The following KNL1 variants were observed in gnomAD, a reference collection of about 807,000 sequenced individuals.
KNL1 encodes outer kinetochore KNL1 complex subunit KNL1.
In KNL1, 66 loss-of-function variants were observed where a neutral mutation model predicts 201.3. That is an observed-to-expected ratio of 0.33 (90% confidence interval 0.27 to 0.40). KNL1 has a LOEUF of 0.40. KNL1 is among the 10% of genes least tolerant of loss of function. The pLI is 1.00. For missense variants in KNL1, 2,815 were observed against 2,690.5 expected, an observed-to-expected ratio of 1.05 and a Z score of -1.02; for synonymous variants, 895 against 899.2, an observed-to-expected ratio of 1.00 and a Z score of 0.08.
intron 14 of KNL1, among the ~76,000 whole-genome samples, chr15:40,644,512 C>A (rs990815072): frequency 6.6e-6 from 1 of 152,222 alleles, no homozygotes. Flanking sequence ...CACCTCAGCA[C>A]AGACCATTTA....
intron 1 of KNL1, 134 bp from the exon 2 acceptor site, chr15:40,602,781 G>A (rs948084019): frequency 1.3e-5 from 7 of 532,642 alleles, no homozygotes; most frequent in South Asian, 2.3e-5. Context: ...CACTGCGCCC[G>A]GCCTTTCCTT....
chr15:40,618,713 C>G (rs2141716834), intron 8 of KNL1, among the ~76,000 whole-genome samples: 1 of 152,184 alleles, frequency 6.6e-6, no homozygotes, highest in Non-Finnish European at 1.5e-5. Flanking sequence ...GTGGATATTC[C>G]AGTTACCCTG....
intron 13 of KNL1, 48 bp downstream of exon 13, chr15:40,629,419 T>C (rs1421514965): frequency 1.3e-5 from 17 of 1,310,842 alleles, no homozygotes; most frequent in Non-Finnish European, 1.8e-5. Context: ...CAAACATTTA[T>C]TTAAAAGCAC....
chr15:40,594,558 C>T (rs1891563709), intron 1 of KNL1, among the ~76,000 whole-genome samples, 166 bp downstream of exon 1: 1 of 152,198 alleles, frequency 6.6e-6, no homozygotes. Flanking sequence ...GCACACTGTG[C>T]CCTTTTTCCC....
At chr15:40,637,512 C>T (rs1893093108) in intron 13 of KNL1, among the ~76,000 whole-genome samples, 1 of 152,104 alleles carries the variant, frequency 6.6e-6, no homozygotes, top group Non-Finnish European at 1.5e-5. Flanking sequence ...ATCCAAAAAA[C>T]CACAAATCTG....
intron 1 of KNL1, among the ~76,000 whole-genome samples, chr15:40,597,606 C>G (rs1555417985): frequency 6.6e-6 from 1 of 152,102 alleles, no homozygotes; most frequent in Non-Finnish European, 1.5e-5. Context: ...TGTCAATAAT[C>G]AAGAGTTTGG....
intron 3 of KNL1, 146 bp from the exon 4 acceptor site, chr15:40,606,247 C>A: frequency 1.8e-6 from 1 of 548,732 alleles, no homozygotes; most frequent in Non-Finnish European, 3.4e-6. Context: ...ATCTGCCACA[C>A]GGTATAGCAT....
chr15:40,605,483 G>A (rs1160136980), intron 3 of KNL1, among the ~76,000 whole-genome samples: 4 of 152,118 alleles, frequency 2.6e-5, no homozygotes, highest in Non-Finnish European at 4.4e-5. Flanking sequence ...ATAGAGTCTC[G>A]CTCTGTCGCC....
chr15:40,647,943 C>G (rs1184511779), intron 17 of KNL1, among the ~76,000 whole-genome samples: 1 of 152,132 alleles, frequency 6.6e-6, no homozygotes, highest in Non-Finnish European at 1.5e-5. Flanking sequence ...ATCATCTGTT[C>G]TTTTCTATAT....
In KNL1 at chr15:40,621,105, A is replaced by G. The variant is rs770406721; in HGVS notation, c.841A>G (p.Met281Val). 5.0e-6 allele frequency: 8 copies of G among 1,613,558 alleles called. No individual in the cohort carries two copies. In the South Asian group the frequency reaches 7.7e-5, roughly 16 times the overall value. The stretch of plus-strand genomic sequence containing the variant: ...GCTCTTTAGAGAAAAAGATGATGGG[A>G]TGAATTTCACCCAGTGTCATACAGC... ...TRLFREKDDG[M>V]NFTQCHTANI... The change falls in exon 10 of 26, where the codon ATG becomes GTG. Residue 281 changes from methionine (M) to valine (V), a missense_variant. This residue lies in a region of KNL1 where 2,464 missense variants were observed against 2,291.7 expected (regional missense o/e 1.08). Transcript: ENST00000399668.
chr15:40,622,814 G>T lies in KNL1; in HGVS notation c.2550G>T (p.Arg850Ser), dbSNP rs543914712. 3 of 1,613,184 alleles carry T rather than the reference G, an allele frequency of 1.9e-6. No individual in the cohort carries two copies. Among genetic ancestry groups the T allele is most frequent in the African/African-American group, 1.3e-5 (1 of 74,956 alleles). ...AGCAAAATGTCAAAATTTGGGGAAG[G>T]AAAAGTGTTGGTGGACCAAAAATTG... ...KEKQNVKIWGRKSVGGPKIDK... is the reference protein window; with the variant it reads ...KEKQNVKIWGSKSVGGPKIDK... The change falls in exon 10 of 26, where the codon AGG (arginine) becomes AGT (serine). Residue 850 changes from arginine to serine, a missense_variant. Around this residue, in one of 3 missense-constraint regions of KNL1, gnomAD observed 2,464 missense variants for 2,291.7 expected, o/e 1.08. Coordinates refer to ENST00000399668, the MANE Select transcript of KNL1 (RefSeq NM_144508.5).
chr15:40,610,050 A>G (rs905710118), intron 5 of KNL1, among the ~76,000 whole-genome samples, 195 bp from the exon 6 acceptor site: 13 of 152,196 alleles, frequency 8.5e-5, no homozygotes, highest in African/African-American at 1.7e-4. Context: ...AATCAAAAAT[A>G]AAAACAAAAC....
intron 22 of KNL1, among the ~76,000 whole-genome samples, chr15:40,656,348 G>A (rs963834575): frequency 1.3e-5 from 2 of 151,990 alleles, no homozygotes; most frequent in Admixed American, 1.3e-4. Flanking sequence ...CAGGAGAATT[G>A]CCTGAATCCG....
rs200845312 is a variant in KNL1, at chr15:40,657,161, G to T, written c.6594+10G>T. Reference sequence around the variant, plus strand: ...GCATCAGTTACCCAAGGTAAAGCCCGATTGAAGTATTTAAAGGAAAATTTG... The same window carrying T: ...GCATCAGTTACCCAAGGTAAAGCCCTATTGAAGTATTTAAAGGAAAATTTG... On this transcript the variant is annotated intron_variant, in intron 23 of 25. Coordinates refer to ENST00000399668, the MANE Select transcript of KNL1 (RefSeq NM_144508.5). 6 of 1,516,224 alleles carry T rather than the reference G, an allele frequency of 4.0e-6. No individual in the cohort carries two copies. Among genetic ancestry groups the T allele is most frequent in the Admixed American group, 3.9e-5 (2 of 51,936 alleles). The allele number at this position is 1,516,224 out of a possible 1,614,324, so 93.9% of individuals were successfully genotyped here. A position where few individuals can be genotyped will look rare whatever the true frequency, so the allele number is the denominator to read the frequency against.
intron 17 of KNL1, among the ~76,000 whole-genome samples, chr15:40,647,628 C>T (rs189929801): frequency 7.9e-5 from 12 of 152,080 alleles, no homozygotes; most frequent in African/African-American, 2.4e-4. Context: ...GTTTGAAAAC[C>T]GTCTATCCTT....
chr15:40,625,580 TAAG>T lies in KNL1; in HGVS notation c.5317_5319del (p.Lys1773del). ...GGGTACAAGAAGAAGAAGATATTCA[TAAG>T]GAGAAAAAAATCAGAAAAAATGAGA... On this transcript the variant is annotated inframe_deletion, in exon 10 of 26. Coordinates refer to ENST00000399668, the MANE Select transcript of KNL1 (RefSeq NM_144508.5). 1 of 1,607,388 alleles carries T rather than the reference TAAG, an allele frequency of 6.2e-7. No individual in the cohort carries two copies. The highest frequency in any genetic ancestry group is 8.5e-7 in the Non-Finnish European group (1 of 1,178,418).
Position 40,619,026 on chromosome 15 carries a change from A to G in KNL1, c.375+15A>G. ...AACAGAAGGAGGTATGAGTTCATGCAAATACCTTCATATTGTAATGTCATT... is the reference window on the plus strand; with the variant it reads ...AACAGAAGGAGGTATGAGTTCATGCGAATACCTTCATATTGTAATGTCATT... On this transcript the variant is annotated intron_variant, in intron 9 of 25. Transcript: ENST00000399668. 1 of 1,498,964 alleles carries G rather than the reference A, an allele frequency of 6.7e-7. No individual in the cohort carries two copies. The highest frequency in any genetic ancestry group is 9.3e-7 in the Non-Finnish European group (1 of 1,076,552). The allele number at this position is 1,498,964 out of a possible 1,614,324, so 92.9% of individuals were successfully genotyped here.
Position 40,621,961 on chromosome 15 carries a change from T to C in KNL1, c.1697T>C (p.Leu566Pro), listed in dbSNP as rs758648288. ...SISLTDRKTE[L>P]LSGENMDLTE... ...TCATTGACTGATAGAAAGACTGAAC[T>C]CTTATCAGGTGAAAATATGGATTTG... The change falls in exon 10 of 26, where the codon CTC becomes CCC. Residue 566 changes from leucine (L) to proline (P), a missense_variant. Coordinates refer to ENST00000399668, the MANE Select transcript of KNL1 (RefSeq NM_144508.5). The C allele has an allele frequency of 6.2e-7, 1 of 1,613,976 alleles. No individual in the cohort carries two copies. The highest frequency in any genetic ancestry group is 1.1e-5 in the South Asian group (1 of 91,072).
chr15:40,594,720 G>A (rs983581239), intron 1 of KNL1, among the ~76,000 whole-genome samples: 2 of 152,026 alleles, frequency 1.3e-5, no homozygotes, highest in African/African-American at 4.8e-5. Context: ...CAGGGCTCGC[G>A]GACTCTTCTT....
Sources: gnomAD v4.1 joint callset for allele counts (sites outside exome capture counted in the v4.1 genomes callset) on GRCh38, gnomAD v4.1.1 for gene constraint, gnomAD v4.1.1 regional missense constraint, MANE v1.5 for transcripts, NCBI Gene and HGNC (gene_info 2026-07-23, HGNC 2026-07-21) for gene names.